CLSTN2: variants seen among roughly 807,000 people sequenced by gnomAD.
CLSTN2 encodes the protein calsyntenin 2, also known as calsyntenin-2.
A neutral mutation model predicts 101.2 loss-of-function variants in CLSTN2; 48 were observed. That is an observed-to-expected ratio of 0.47 (90% CI 0.38 to 0.60). The LOEUF is 0.60. CLSTN2 is among the 20% of genes least tolerant of loss of function. The pLI is 0.00. For synonymous variants in CLSTN2, 481 were observed against 463.6 expected (o/e 1.04, Z -0.48); for missense variants, 1,160 against 1,238.2 (o/e 0.94, Z 0.95).
intron 1 of CLSTN2, among the ~76,000 whole-genome samples, chr3:140,114,174 T>C (rs2009201417): frequency 6.6e-6 from 1 of 152,036 alleles, no homozygotes. Flanking sequence ...GCTTTGGGAG[T>C]TCCCATCTCC....
intron 8 of CLSTN2, among the ~76,000 whole-genome samples, chr3:140,492,934 A>G (rs1388361286): frequency 6.6e-6 from 1 of 152,202 alleles, no homozygotes; most frequent in Admixed American, 6.5e-5. Flanking sequence ...ATTCCACAGA[A>G]GAGTCTGACA....
chr3:140,556,634 G>A lies in CLSTN2; in HGVS notation c.1796G>A (p.Arg599Gln), dbSNP rs779430807. 20 of 1,613,832 alleles carry A rather than the reference G, an allele frequency of 1.2e-5. No individual in the cohort carries two copies. Among genetic ancestry groups the A allele is most frequent in the South Asian group, 6.6e-5 (6 of 91,066 alleles). The change falls in exon 11 of 17, where the codon CGG becomes CAG. Residue 599 changes from arginine to glutamine, a missense_variant. By Grantham distance (43) the Arg-to-Gln change is conservative. Transcript: ENST00000458420. The part of the protein sequence containing the change: ...NSRQFPTAGV[R>Q]RLKVSSKVQC... The stretch of plus-strand genomic sequence containing the variant: ...AGGCAGTTCCCAACGGCGGGTGTGC[G>A]GCGCCTCAAAGTATCCTCCAAAGTC...
intron 9 of CLSTN2, among the ~76,000 whole-genome samples, chr3:140,533,441 G>T (rs919208407): frequency 2.0e-5 from 3 of 152,148 alleles, no homozygotes; most frequent in African/African-American, 4.8e-5. Flanking sequence ...CGTGCACAGT[G>T]GCTCACGCCT....
chr3:140,459,874 C>T (rs1374187449), intron 7 of CLSTN2, 105 bp downstream of exon 7: 1 of 1,344,482 alleles, frequency 7.4e-7, no homozygotes, highest in African/African-American at 1.4e-5. Context: ...GGAAGAAAAG[C>T]AGGAGCCTGA....
At chr3:140,418,540 C>T (rs544966536) in intron 4 of CLSTN2, among the ~76,000 whole-genome samples, 29 of 125,304 alleles carry the variant, frequency 2.3e-4, no homozygotes, top group Middle Eastern at 5.3e-3. Flanking sequence ...TTTTCTGAGA[C>T]GGAGTCTCAC....
At chr3:140,451,153 C>T (rs1933239517) in intron 6 of CLSTN2, among the ~76,000 whole-genome samples, 2 of 152,188 alleles carry the variant, frequency 1.3e-5, no homozygotes, top group African/African-American at 2.4e-5. Context: ...GTTTCCTAAA[C>T]TCCTCCAGGT....
chr3:139,943,453 G>A (rs559697217), intron 1 of CLSTN2, among the ~76,000 whole-genome samples: 3 of 152,168 alleles, frequency 2.0e-5, no homozygotes, highest in South Asian at 4.2e-4. Flanking sequence ...CACCCTCCAC[G>A]CTAAGGTCTG....
intron 1 of CLSTN2, among the ~76,000 whole-genome samples, chr3:140,085,774 T>C (rs1057433910): frequency 6.6e-6 from 1 of 152,138 alleles, no homozygotes; most frequent in Non-Finnish European, 1.5e-5. Flanking sequence ...GAGGGAAAAC[T>C]TGCCTCTGCA....
rs1380628545 is a variant in CLSTN2, at chr3:140,035,063, T to C, written c.109+99580T>C. Among the ~76,000 whole-genome samples, 3 of 152,308 alleles carry C rather than the reference T, an allele frequency of 2.0e-5. No homozygotes were observed. The East Asian group carries it at 5.8e-4, about 29-fold the overall frequency. ...TCCCGGGAACCTACCTTTACCTAGTTTGGGGATTATTGACACACTGAGGAC... is the reference window on the plus strand; with the variant it reads ...TCCCGGGAACCTACCTTTACCTAGTCTGGGGATTATTGACACACTGAGGAC... On this transcript the variant is annotated intron_variant, in intron 1 of 16. Coordinates refer to ENST00000458420, the MANE Select transcript of CLSTN2 (RefSeq NM_022131.3).
chr3:140,526,354 C>A (rs1269728829), intron 8 of CLSTN2, among the ~76,000 whole-genome samples: 1 of 151,918 alleles, frequency 6.6e-6, no homozygotes. Flanking sequence ...ATTCGTCTAA[C>A]CAAGGAGGTA....
At chr3:140,280,351 G>A (rs1014479774) in intron 2 of CLSTN2, among the ~76,000 whole-genome samples, 5 of 152,118 alleles carry the variant, frequency 3.3e-5, no homozygotes, top group Non-Finnish European at 5.9e-5. Flanking sequence ...GAGTAAGTGG[G>A]AAAATGGAAG....
chr3:140,267,596 T>C (rs2086706907), intron 2 of CLSTN2, among the ~76,000 whole-genome samples: 1 of 152,186 alleles, frequency 6.6e-6, no homozygotes, highest in Non-Finnish European at 1.5e-5. Context: ...AGGTATATAG[T>C]TATATTCTCA....
chr3:140,465,148 T>A (rs2108020108), intron 7 of CLSTN2, among the ~76,000 whole-genome samples: 1 of 152,252 alleles, frequency 6.6e-6, no homozygotes, highest in Middle Eastern at 3.4e-3. Context: ...ACAGAGAATG[T>A]GGGTATCTTG....
chr3:140,206,678 G>A (rs59640412), intron 2 of CLSTN2, among the ~76,000 whole-genome samples: 1,830 of 152,294 alleles, frequency 0.012, 38 homozygotes, highest in African/African-American at 0.041. Flanking sequence ...TGAAGCAGCC[G>A]AGGAGAGAGG....
chr3:140,409,868 C>T (rs2088343392), intron 4 of CLSTN2, among the ~76,000 whole-genome samples: 1 of 151,758 alleles, frequency 6.6e-6, no homozygotes, highest in Non-Finnish European at 1.5e-5. Flanking sequence ...AAGAACCAAA[C>T]AAATTTTGGA....
intron 2 of CLSTN2, among the ~76,000 whole-genome samples, chr3:140,377,281 A>G (rs140865779): frequency 8.0e-4 from 122 of 152,366 alleles, no homozygotes; most frequent in African/African-American, 2.7e-3. Flanking sequence ...TATAGGACAT[A>G]ATACTCAATA....
intron 2 of CLSTN2, among the ~76,000 whole-genome samples, chr3:140,318,372 G>C (rs750226794): frequency 1.3e-5 from 2 of 152,166 alleles, no homozygotes; most frequent in African/African-American, 4.8e-5. Context: ...ATAGGGTCAG[G>C]TTCAGTAAAG....
chr3:140,559,267 C>T (rs1935864626), intron 12 of CLSTN2, among the ~76,000 whole-genome samples: 1 of 151,952 alleles, frequency 6.6e-6, no homozygotes, highest in South Asian at 2.1e-4. Flanking sequence ...TTTCTGCTTC[C>T]CTTCCCTTTC....
chr3:140,008,552 G>A (rs995506833), intron 1 of CLSTN2, among the ~76,000 whole-genome samples: 6 of 152,200 alleles, frequency 3.9e-5, no homozygotes, highest in African/African-American at 1.2e-4. Context: ...ATGTGTGGGG[G>A]TCCTCCGGGG....
Sources: gnomAD v4.1 joint callset for allele counts (sites outside exome capture counted in the v4.1 genomes callset) on GRCh38, gnomAD v4.1.1 for gene constraint, MANE v1.5 for transcripts, NCBI Gene and HGNC (gene_info 2026-07-23, HGNC 2026-07-21) for gene names.